Variants in LRRC4 observed in about 807,000 individuals in gnomAD.
LRRC4 encodes leucine rich repeat containing 4, also known as leucine-rich repeat-containing protein 4.
LRRC4 carries 11 observed loss-of-function variants against 37.9 expected under a neutral mutation model. The ratio of observed to expected loss-of-function variants is 0.29; its 90% confidence interval spans 0.18 to 0.48. The LOEUF is 0.48. LRRC4 is among the 20% of genes least tolerant of loss of function. The pLI is 0.99. For missense variants in LRRC4, 717 were observed against 842.1 expected (o/e 0.85, Z 1.84); for synonymous variants, 404 against 346.7 (o/e 1.17, Z -1.84).
chr7:128,029,985 C>G lies in LRRC4; in HGVS notation c.656G>C (p.Gly219Ala), dbSNP rs372072606. ...KDMPNLTPLV[G>A]LEELEMSGNH... ...CCCTGACATCTCCAGCTCCTCCAGC[C>G]CCACCAGGGGGGTGAGATTGGGCAT... The change falls in exon 2 of 2, where the codon GGG (glycine) becomes GCG (alanine). Residue 219 changes from glycine to alanine, a missense_variant. Gly to Ala is a moderately conservative substitution (Grantham distance 60). This residue lies in a region of LRRC4 where 138 missense variants were observed against 261.0 expected (regional missense o/e 0.53). Coordinates refer to ENST00000249363, the MANE Select transcript of LRRC4 (RefSeq NM_022143.5). The surrounding 1 kb of genome is among the most constrained non-coding windows in gnomAD (Gnocchi z 4.2). 1.5e-5 allele frequency: 24 copies of G among 1,613,020 alleles called. No individual in the cohort carries two copies. The highest frequency in any genetic ancestry group is 2.0e-5 in the Non-Finnish European group (24 of 1,180,034).
In LRRC4 at chr7:128,031,044, A is replaced by AGAGGGGAGGGGAGGGGAGGG. The variant is rs891308260; in HGVS notation, c.-252_-233dup. ...GGGAAGTGGTGGGGGCGGGGAGGGC[A>AGAGGGGAGGGGAGGGGAGGG]GAGGGGAGGGGAGGGGAGGGGAGGG... is the stretch of plus-strand genomic sequence containing the variant. On this transcript the variant is annotated 5_prime_UTR_variant, in exon 1 of 2. Coordinates refer to ENST00000249363, the MANE Select transcript of LRRC4 (RefSeq NM_022143.5). The AGAGGGGAGGGGAGGGGAGGG allele has an allele frequency of 1.5e-5, 1 of 64,706 alleles. No individual in the cohort carries two copies. Among genetic ancestry groups the AGAGGGGAGGGGAGGGGAGGG allele is most frequent in the Non-Finnish European group, 3.4e-5 (1 of 29,128 alleles). 4.0% of individuals were successfully genotyped at this position (64,706 alleles called of 1,614,324 possible). A position where few individuals can be genotyped will look rare whatever the true frequency, so the allele number is the denominator to read the frequency against.
upstream of LRRC4, chr7:128,031,696 G>A (rs1342596277): frequency 4.9e-5 from 7 of 142,760 alleles, no homozygotes; most frequent in African/African-American, 1.8e-4. Context: ...CGCCCGCACC[G>A]CAGGCCCCTT....
rs1792486672 is a variant in LRRC4, at chr7:128,028,891, T to A, written c.1750A>T (p.Thr584Ser). 2 of 1,614,028 alleles carry A rather than the reference T, an allele frequency of 1.2e-6. No homozygotes were observed. Among genetic ancestry groups the A allele is most frequent in the East Asian group, 4.5e-5 (2 of 44,892 alleles). ...DIPAATSAAATAAPSGVSGEG... is the reference protein window; with the variant it reads ...DIPAATSAAASAAPSGVSGEG... ...CCTGATACACCGGACGGAGCTGCTG[T>A]TGCTGCTGCGGATGTTGCTGCTGGG... The change falls in exon 2 of 2, where the codon ACA becomes TCA. Residue 584 changes from threonine (T) to serine (S), a missense_variant. Thr to Ser is a moderately conservative substitution (Grantham distance 58, BLOSUM62 1). Around this residue, in one of 5 missense-constraint regions of LRRC4, gnomAD observed 140 missense variants for 137.2 expected, o/e 1.02. Coordinates refer to ENST00000249363, the MANE Select transcript of LRRC4 (RefSeq NM_022143.5).
At position 128,030,448 on chromosome 7, in the gene LRRC4, C is replaced by G. The variant is rs1437718859; in HGVS notation, c.193G>C (p.Gly65Arg). 6.2e-7 allele frequency: 1 copy of G among 1,613,734 alleles called. No homozygotes were observed. The highest frequency in any genetic ancestry group is 1.1e-5 in the South Asian group (1 of 91,074). Residue 65 changes from glycine to arginine, a missense_variant, in exon 2 of 2, where the codon GGC becomes CGC. This residue lies in a region of LRRC4 where 127 missense variants were observed against 134.8 expected (regional missense o/e 0.94). Transcript: ENST00000249363. Reference sequence around the variant, plus strand: ...ATACCCTGCGGGACCTCGGAGAGGCCCCGGCGCGTGCACACCACCTTGCTG... The same window carrying G: ...ATACCCTGCGGGACCTCGGAGAGGCGCCGGCGCGTGCACACCACCTTGCTG... The part of the protein sequence containing the change: ...QFSKVVCTRR[G>R]LSEVPQGIPS...
Position 128,030,599 on chromosome 7 carries a change from C to G in LRRC4, c.42G>C (p.Trp14Cys), listed in dbSNP as rs750009952. ...LWQVTVHHHT[W>C]NAILLPFVYL... ...AGACGAACGGGAGCAGGATGGCATT[C>G]CAGGTGTGGTGGTGCACAGTTACCT... is the stretch of plus-strand genomic sequence containing the variant. The change falls in exon 2 of 2, where the codon TGG (tryptophan) becomes TGC (cysteine). Residue 14 changes from tryptophan (W) to cysteine (C), a missense_variant. Trp to Cys is a radical substitution (Grantham distance 215). Around this residue, in one of 5 missense-constraint regions of LRRC4, gnomAD observed 127 missense variants for 134.8 expected, o/e 0.94. Coordinates refer to ENST00000249363, the MANE Select transcript of LRRC4 (RefSeq NM_022143.5). 1.3e-6 allele frequency: 2 copies of G among 1,592,478 alleles called. No individual in the cohort carries two copies. The highest frequency in any genetic ancestry group is 2.7e-5 in the African/African-American group (2 of 74,642).
At chr7:128,032,021 C>G (rs548186999), upstream of LRRC4, 1 of 151,746 alleles carries the variant, frequency 6.6e-6, no homozygotes, top group African/African-American at 2.4e-5. Flanking sequence ...CCACCGTCTC[C>G]TCCTCGCGCC....
At position 128,029,458 on chromosome 7, in the gene LRRC4, C is replaced by T. The variant is rs369606572; in HGVS notation, c.1183G>A (p.Ala395Thr). ...LLPNGTVLSHASRHPRISVLN... is the reference protein window; with the variant it reads ...LLPNGTVLSHTSRHPRISVLN... ...ACAGAGATCCTTGGGTGGCGGGAGG[C>T]GTGGCTGAGCACTGTCCCATTGGGC... Residue 395 changes from alanine to threonine, a missense_variant, in exon 2 of 2, where the codon GCC (alanine) becomes ACC (threonine). By Grantham distance (58) the Ala-to-Thr change is moderately conservative (BLOSUM62 0). Around this residue, in one of 5 missense-constraint regions of LRRC4, gnomAD observed 293 missense variants for 268.3 expected, o/e 1.09. Transcript: ENST00000249363. This position sits in a 1 kb window ranked among gnomAD's most constrained non-coding sequence, Gnocchi z 4.2. 13 of 1,614,002 alleles carry T rather than the reference C, an allele frequency of 8.1e-6. No individual in the cohort carries two copies. Among genetic ancestry groups the T allele is most frequent in the Middle Eastern group, 1.6e-4 (1 of 6,084 alleles).
At position 128,031,404 on chromosome 7, in the gene LRRC4, G is replaced by T. The variant is rs1336513584; in HGVS notation, c.-592C>A. 1.3e-5 allele frequency: 2 copies of T among 151,674 alleles called. No homozygotes were observed. The highest frequency in any genetic ancestry group is 2.9e-5 in the Non-Finnish European group (2 of 67,876). The allele number at this position is 151,674 out of a possible 1,614,324, so 9.4% of individuals were successfully genotyped here. A position where few individuals can be genotyped will look rare whatever the true frequency, so the allele number is the denominator to read the frequency against. On this transcript the variant is annotated 5_prime_UTR_variant, in exon 1 of 2. Coordinates refer to ENST00000249363, the MANE Select transcript of LRRC4 (RefSeq NM_022143.5). ...ATGCTGCGCTCCCTCTCCCGGCGTC[G>T]GCCGCTCCGGGCCGGCGGCAGCTGA...
At position 128,030,125 on chromosome 7, in the gene LRRC4, G is replaced by A. The variant is rs752846363; in HGVS notation, c.516C>T (p.Ser172=). 1.2e-6 allele frequency: 2 copies of A among 1,614,186 alleles called. No individual in the cohort carries two copies. The highest frequency in any genetic ancestry group is 1.7e-6 in the Non-Finnish European group (2 of 1,180,044). Residue 172 remains serine, a synonymous_variant, in exon 2 of 2, where the codon TCC becomes TCT. Transcript: ENST00000249363. Reference sequence around the variant, plus strand: ...GCTCCCCCAAGTCCAGGCGCATGAGGGAGGGCACCCGGTTGAAGGCGTAAG... The same window carrying A: ...GCTCCCCCAAGTCCAGGCGCATGAGAGAGGGCACCCGGTTGAAGGCGTAAG... ...IPSYAFNRVP[S]LMRLDLGELK... is the part of the protein sequence containing the mutation.
Position 128,028,395 on chromosome 7 carries a change from T to C in LRRC4, c.*284A>G. The C allele has an allele frequency of 3.1e-6, 1 of 323,982 alleles. No individual in the cohort carries two copies. Among genetic ancestry groups the C allele is most frequent in the East Asian group, 5.9e-5 (1 of 16,842 alleles). The allele number at this position is 323,982 out of a possible 1,614,324, so 20.1% of individuals were successfully genotyped here. ...TATTTTATCTCAGCAATTTCAACCT[T>C]ATACCAGAAATCCCTTCTGGCAGCA... On this transcript the variant is annotated 3_prime_UTR_variant, in exon 2 of 2. Coordinates refer to ENST00000249363, the MANE Select transcript of LRRC4 (RefSeq NM_022143.5).
In LRRC4 at chr7:128,029,937, G is replaced by C. The variant is rs1281989544; in HGVS notation, c.704C>G (p.Pro235Arg). ...MSGNHFPEIR[P>R]GSFHGLSSLK... ...GGAGCTCAGGCCATGGAAGGAGCCAGGCCTGATCTCAGGGAAGTGGTTCCC... is the reference window on the plus strand; with the variant it reads ...GGAGCTCAGGCCATGGAAGGAGCCACGCCTGATCTCAGGGAAGTGGTTCCC... Residue 235 changes from proline (P) to arginine (R), a missense_variant, in exon 2 of 2, where the codon CCT (proline) becomes CGT (arginine). Physicochemically the swap from Pro to Arg is moderately radical, Grantham distance 103. Coordinates refer to ENST00000249363, the MANE Select transcript of LRRC4 (RefSeq NM_022143.5). The surrounding 1 kb of genome is among the most constrained non-coding windows in gnomAD (Gnocchi z 4.2). 1 of 1,613,072 alleles carries C rather than the reference G, an allele frequency of 6.2e-7. No individual in the cohort carries two copies. Among genetic ancestry groups the C allele is most frequent in the East Asian group, 2.2e-5 (1 of 44,892 alleles).
chr7:128,031,767 C>T, upstream of LRRC4: 1 of 145,520 alleles, frequency 6.9e-6, no homozygotes, highest in Non-Finnish European at 1.5e-5. Context: ...CCCGGCGGCG[C>T]GCAACCGCCC....
chr7:128,027,077 A>G lies in LRRC4; in HGVS notation c.*1602T>C, dbSNP rs546482332. On this transcript the variant is annotated 3_prime_UTR_variant, in exon 2 of 2. Coordinates refer to ENST00000249363, the MANE Select transcript of LRRC4 (RefSeq NM_022143.5). Reference sequence around the variant, plus strand: ...ACCCTTTGGGGACATTGAATTAAAAATTCAACAATATTTATTAAAATACAA... The same window carrying G: ...ACCCTTTGGGGACATTGAATTAAAAGTTCAACAATATTTATTAAAATACAA... The G allele has an allele frequency of 6.5e-6, 1 of 152,720 alleles. No individual in the cohort carries two copies. Among genetic ancestry groups the G allele is most frequent in the Admixed American group, 6.5e-5 (1 of 15,294 alleles). The allele number at this position is 152,720 out of a possible 1,614,324, so 9.5% of individuals were successfully genotyped here.
In LRRC4 at chr7:128,030,359, G is replaced by C; in HGVS notation, c.282C>G (p.Thr94=). ...CCTCCAGGTGGTGGAGGTGGCGGAA[G>C]GTGTCGGCCTGGATCATCTGGATGT... The part of the protein sequence containing the change: ...ENNIQMIQAD[T]FRHLHHLEVL... Residue 94 remains threonine (T), a synonymous_variant, in exon 2 of 2, where the codon ACC becomes ACG. Coordinates refer to ENST00000249363, the MANE Select transcript of LRRC4 (RefSeq NM_022143.5). 1.2e-6 allele frequency: 2 copies of C among 1,614,074 alleles called. No individual in the cohort carries two copies. Among genetic ancestry groups the C allele is most frequent in the African/African-American group, 2.7e-5 (2 of 75,066 alleles).
chr7:128,030,798 A>C, intron 1 of LRRC4, 58 bp from the exon 2 acceptor site: 1 of 940,992 alleles, frequency 1.1e-6, no homozygotes, highest in Non-Finnish European at 1.5e-6. Flanking sequence ...GGCCGAAAAA[A>C]ATCCTGCCAA....
rs1197097912 is a variant in LRRC4 at position 128,030,524 on chromosome 7, G to C, written c.117C>G (p.Ala39=). The C allele has an allele frequency of 1.2e-6, 2 of 1,613,316 alleles. No individual in the cohort carries two copies. Among genetic ancestry groups the C allele is most frequent in the Non-Finnish European group, 1.7e-6 (2 of 1,179,928 alleles). Residue 39 remains alanine (A), a synonymous_variant, in exon 2 of 2, where the codon GCC becomes GCG. Coordinates refer to ENST00000249363, the MANE Select transcript of LRRC4 (RefSeq NM_022143.5). ...WILCAAIAAA[A]SAGPQNCPSV... ...AGGGGCAGTTCTGGGGCCCGGCTGA[G>C]GCGGCAGCAGCGATGGCTGCACACA...
chr7:128,030,455 C>G lies in LRRC4; in HGVS notation c.186G>C (p.Thr62=), dbSNP rs745350732. 1 of 1,613,638 alleles carries G rather than the reference C, an allele frequency of 6.2e-7. No individual in the cohort carries two copies. Residue 62 remains threonine, a synonymous_variant, in exon 2 of 2, where the codon ACG becomes ACC. Coordinates refer to ENST00000249363, the MANE Select transcript of LRRC4 (RefSeq NM_022143.5). The stretch of plus-strand genomic sequence containing the variant: ...GCGGGACCTCGGAGAGGCCCCGGCG[C>G]GTGCACACCACCTTGCTGAACTGGT... ...CSNQFSKVVC[T]RRGLSEVPQG...
In LRRC4 at chr7:128,029,666, G is replaced by A; in HGVS notation, c.975C>T (p.Cys325=). ...LREYIPTNST[C]CGRCHAPMHM... ...GCATGGGAGCATGACAGCGGCCACA[G>A]CAGGTGGAATTGGTGGGTATATACT... Residue 325 remains cysteine (C), a synonymous_variant, in exon 2 of 2, where the codon TGC becomes TGT. Coordinates refer to ENST00000249363, the MANE Select transcript of LRRC4 (RefSeq NM_022143.5). This position sits in a 1 kb window ranked among gnomAD's most constrained non-coding sequence, Gnocchi z 4.2. 2 of 1,613,982 alleles carry A rather than the reference G, an allele frequency of 1.2e-6. No individual in the cohort carries two copies. The highest frequency in any genetic ancestry group is 1.3e-5 in the African/African-American group (1 of 75,048).
At chr7:128,031,611 C>T (rs905138064), upstream of LRRC4, 1 of 149,370 alleles carries the variant, frequency 6.7e-6, no homozygotes, top group Admixed American at 6.7e-5. Flanking sequence ...CCGTCCGGCC[C>T]CCGAGGACCA....
Sources: gnomAD v4.1 joint callset for allele counts on GRCh38, gnomAD v4.1.1 for gene constraint, gnomAD v4.1.1 regional missense constraint, Gnocchi (gnomAD v3.1) non-coding constraint, MANE v1.5 for transcripts, NCBI Gene and HGNC (gene_info 2026-07-23, HGNC 2026-07-21) for gene names.